RPTOR: variants seen among roughly 807,000 people sequenced by gnomAD.
RPTOR encodes regulatory associated protein of MTOR complex 1.
Under a neutral mutation model 169.9 loss-of-function variants are expected in RPTOR, and 21 were observed. The ratio of observed to expected loss-of-function variants is 0.12; its 90% CI spans 0.09 to 0.18. The LOEUF is 0.18. RPTOR is among the 10% of genes least tolerant of loss of function. RPTOR has a pLI of 1.00. For synonymous variants in RPTOR, 732 were observed against 753.2 expected (o/e 0.97, Z 0.46); for missense variants, 1,133 against 1,855.9 (o/e 0.61, Z 7.16).
At chr17:80,738,139 G>C (rs923274601) in intron 5 of RPTOR, among the ~76,000 whole-genome samples, 1 of 152,228 alleles carries the variant, frequency 6.6e-6, no homozygotes, top group Non-Finnish European at 1.5e-5. Flanking sequence ...GTCCACGCCT[G>C]CCAGTGGGTG....
At chr17:80,590,344 A>G (rs1159054012) in intron 1 of RPTOR, among the ~76,000 whole-genome samples, 1 of 150,392 alleles carries the variant, frequency 6.6e-6, no homozygotes, top group East Asian at 2.0e-4. Flanking sequence ...GTATGCGCAC[A>G]TGCATGCACA....
intron 6 of RPTOR, chr17:80,773,780 T>C (rs774997098): frequency 1.2e-5 from 12 of 985,008 alleles, no homozygotes; most frequent in African/African-American, 1.8e-5. Flanking sequence ...GGACGTGTAG[T>C]CACTGTGGCG....
intron 3 of RPTOR, among the ~76,000 whole-genome samples, chr17:80,696,739 G>A (rs998219681): frequency 2.0e-5 from 3 of 152,218 alleles, no homozygotes. Context: ...GAGCACGTGA[G>A]TGAGCGAGTG....
chr17:80,716,659 A>G (rs536592334), intron 4 of RPTOR, among the ~76,000 whole-genome samples: 3 of 152,274 alleles, frequency 2.0e-5, no homozygotes, highest in African/African-American at 7.2e-5. Flanking sequence ...AGTCTCTAGA[A>G]GGGTTTTTCC....
At chr17:80,883,670 C>A in intron 15 of RPTOR, 111 bp from the exon 16 acceptor site, 2 of 1,312,078 alleles carry the variant, frequency 1.5e-6, no homozygotes, top group Non-Finnish European at 2.2e-6. Flanking sequence ...GAAAATTGAG[C>A]AAATCAAGGC....
chr17:80,902,623 C>T (rs867273743), intron 20 of RPTOR, among the ~76,000 whole-genome samples: 66 of 152,390 alleles, frequency 4.3e-4, no homozygotes, highest in Middle Eastern at 6.8e-3. Flanking sequence ...GTGTTCCTGA[C>T]GGCCACAAGT....
intron 9 of RPTOR, among the ~76,000 whole-genome samples, chr17:80,836,951 T>G (rs540604817): frequency 1.1e-3 from 168 of 152,014 alleles, no homozygotes; most frequent in African/African-American, 3.8e-3. Flanking sequence ...AAATAGCGTC[T>G]GGGGGTGTCG....
intron 3 of RPTOR, among the ~76,000 whole-genome samples, chr17:80,678,413 T>G (rs1410611271): frequency 6.6e-6 from 1 of 152,190 alleles, no homozygotes; most frequent in African/African-American, 2.4e-5. Context: ...GAGACCAGCC[T>G]GGGCAACATG....
At chr17:80,556,152 G>C (rs578176825) in intron 1 of RPTOR, among the ~76,000 whole-genome samples, 1 of 152,054 alleles carries the variant, frequency 6.6e-6, no homozygotes, top group Non-Finnish European at 1.5e-5. Context: ...CACCGTCAGG[G>C]CCTCCTATTT....
At chr17:80,914,898 G>A (rs1166613780) in intron 21 of RPTOR, among the ~76,000 whole-genome samples, 2 of 151,606 alleles carry the variant, frequency 1.3e-5, no homozygotes, top group Non-Finnish European at 2.9e-5. Context: ...GAAGCCTGGG[G>A]GCTGGGCTGA....
intron 6 of RPTOR, among the ~76,000 whole-genome samples, chr17:80,764,644 C>A (rs1455624949): frequency 6.6e-6 from 1 of 152,036 alleles, no homozygotes; most frequent in African/African-American, 2.4e-5. Context: ...GTCTTTATAG[C>A]AGCATGATTT....
In RPTOR at chr17:80,840,948, G is replaced by A. The variant is rs565866364; in HGVS notation, c.1212+2951G>A. Among the ~76,000 whole-genome samples, 220 of 76,892 alleles carry A rather than the reference G, an allele frequency of 2.9e-3. 15 individuals carry two copies. Among genetic ancestry groups the A allele is most frequent in the African/African-American group, 0.021 (211 of 10,184 alleles). 50.4% of individuals were successfully genotyped at this position (76,892 alleles called of 152,430 possible). On this transcript the variant is annotated intron_variant, in intron 10 of 33. Coordinates refer to ENST00000306801, the MANE Select transcript of RPTOR (RefSeq NM_020761.3). ...CACGGCAGCTCACTCTCTCTGCACC[G>A]CAGCTCACACTCACCGCACGGCAGC... is the stretch of plus-strand genomic sequence containing the variant.
intron 20 of RPTOR, among the ~76,000 whole-genome samples, chr17:80,900,611 C>T (rs774329914): frequency 1.1e-4 from 16 of 152,332 alleles, no homozygotes; most frequent in Non-Finnish European, 1.8e-4. Flanking sequence ...CCACTGTGCT[C>T]GACTGGCCTT....
intron 4 of RPTOR, among the ~76,000 whole-genome samples, chr17:80,718,651 G>T (rs942870191): frequency 6.6e-6 from 1 of 152,228 alleles, no homozygotes; most frequent in Non-Finnish European, 1.5e-5. Flanking sequence ...CCTGAGAGGG[G>T]ACTGGAGGGG....
At chr17:80,905,595 C>CAA (rs57583520) in intron 20 of RPTOR, among the ~76,000 whole-genome samples, 6 of 89,558 alleles carry the variant, frequency 6.7e-5, no homozygotes, top group African/African-American at 1.2e-4. Flanking sequence ...GACTCTGTCT[C>CAA]AAAAAAAAAA....
At chr17:80,652,981 A>G (rs1441192272) in intron 3 of RPTOR, among the ~76,000 whole-genome samples, 3 of 152,086 alleles carry the variant, frequency 2.0e-5, no homozygotes, top group Non-Finnish European at 4.4e-5. Flanking sequence ...TTTGGTTTTC[A>G]TTTCCCTGAT....
intron 5 of RPTOR, among the ~76,000 whole-genome samples, chr17:80,743,767 T>TAGCAGAGCCCTGGCTACGAGCACAGC (rs1567887258): frequency 1.2e-5 from 1 of 84,616 alleles, no homozygotes; most frequent in African/African-American, 5.6e-5. Flanking sequence ...ACTAGCACTC[T>TAGCAGAGCCCTGGCTACGAGCACAGC]CCTGGTTACT....
chr17:80,615,133 G>T (rs1318470438), intron 1 of RPTOR, among the ~76,000 whole-genome samples: 1 of 152,162 alleles, frequency 6.6e-6, no homozygotes, highest in Non-Finnish European at 1.5e-5. Flanking sequence ...AAGGGGATTT[G>T]CCAAGGATCT....
At chr17:80,961,147 G>T (rs981261543) in intron 30 of RPTOR, 1 of 498,090 alleles carries the variant, frequency 2.0e-6, no homozygotes, top group African/African-American at 1.9e-5. Flanking sequence ...GTCCTCCAGC[G>T]GCCTGACGGT....
Sources: allele counts gnomAD v4.1 joint callset (sites outside exome capture counted in the v4.1 genomes callset), GRCh38; gene constraint gnomAD v4.1.1; transcripts MANE v1.5; gene names NCBI Gene and HGNC (gene_info 2026-07-23, HGNC 2026-07-21).